The following KALRN variants were observed in gnomAD, a reference collection of about 807,000 sequenced individuals.
The protein encoded by KALRN is kalirin RhoGEF kinase.
Under a neutral mutation model 353.7 loss-of-function variants are expected in KALRN, and 70 were observed. That is an observed-to-expected ratio of 0.20 (90% CI 0.16 to 0.24). The LOEUF (loss-of-function observed/expected upper bound fraction) is 0.24. Ranked by LOEUF, KALRN falls within the 10% of genes least tolerant of loss-of-function variation. The pLI is 1.00. For synonymous variants in KALRN, 1,391 were observed against 1,434.8 expected (o/e 0.97, Z 0.69); for missense variants, 2,791 against 3,756.7 (o/e 0.74, Z 6.72).
At chr3:124,674,878 T>A (rs1184594178) in intron 49 of KALRN, 7 of 355,268 alleles carry the variant, frequency 2.0e-5, no homozygotes, top group Non-Finnish European at 3.0e-5. Flanking sequence ...TCCCCCTTTC[T>A]CCCCCACATT....
At chr3:124,168,490 C>T (rs143465353) in intron 1 of KALRN, among the ~76,000 whole-genome samples, 5 of 152,284 alleles carry the variant, frequency 3.3e-5, no homozygotes, top group Admixed American at 2.0e-4. Flanking sequence ...TTTACCTTGG[C>T]TTTAAGGGAG....
intron 6 of KALRN, among the ~76,000 whole-genome samples, chr3:124,319,510 A>G (rs1200760881): frequency 6.7e-6 from 1 of 150,066 alleles, no homozygotes; most frequent in Non-Finnish European, 1.5e-5. Flanking sequence ...TATTAACTTC[A>G]GTGGGGAGGG....
chr3:124,209,113 C>G (rs963073034), intron 1 of KALRN, among the ~76,000 whole-genome samples: 1 of 152,078 alleles, frequency 6.6e-6, no homozygotes. Flanking sequence ...TGTACATTGT[C>G]TCTCTATGAG....
chr3:124,085,934 A>G (rs1412441107), intron 1 of KALRN, among the ~76,000 whole-genome samples: 3 of 152,236 alleles, frequency 2.0e-5, no homozygotes, highest in African/African-American at 7.2e-5. Flanking sequence ...TTTCACAAAA[A>G]GTGGGATAAT....
intron 1 of KALRN, among the ~76,000 whole-genome samples, chr3:124,210,644 A>G (rs1376261032): frequency 6.6e-6 from 1 of 152,160 alleles, no homozygotes; most frequent in Non-Finnish European, 1.5e-5. Flanking sequence ...AAAAAAACAC[A>G]AAGGGAACTG....
At chr3:124,625,985 G>A (rs1461561673) in intron 34 of KALRN, among the ~76,000 whole-genome samples, 1 of 152,124 alleles carries the variant, frequency 6.6e-6, no homozygotes, top group Non-Finnish European at 1.5e-5. Context: ...AGAGGTTGAG[G>A]CAGGAGAATC....
chr3:124,445,051 A>C (rs141980985), intron 19 of KALRN, among the ~76,000 whole-genome samples: 353 of 152,302 alleles, frequency 2.3e-3, no homozygotes, highest in African/African-American at 8.3e-3. Flanking sequence ...TGGGAGACCA[A>C]GGTGACTAAC....
At chr3:124,126,415 T>C (rs1416584812) in intron 1 of KALRN, among the ~76,000 whole-genome samples, 1 of 152,184 alleles carries the variant, frequency 6.6e-6, no homozygotes, top group Non-Finnish European at 1.5e-5. Flanking sequence ...TGAGCAAATA[T>C]TTGAGGCTTC....
At chr3:124,626,614 G>C (rs1311997324) in intron 34 of KALRN, among the ~76,000 whole-genome samples, 1 of 152,118 alleles carries the variant, frequency 6.6e-6, no homozygotes, top group African/African-American at 2.4e-5. Flanking sequence ...GCCAGTCATT[G>C]GTCTTTGGGC....
In KALRN at chr3:124,377,188, T is replaced by G. The variant is rs182460883; in HGVS notation, c.1771-7657T>G. On this transcript the variant is annotated intron_variant, in intron 10 of 59. Coordinates refer to ENST00000682506, the MANE Select transcript of KALRN (RefSeq NM_001388419.1). ...CAGTTTTCTCATTTGTAAAATGAAA[T>G]TAATAATACCTATCTTATGATTGAT... Among the ~76,000 whole-genome samples the G allele has an allele frequency of 3.3e-5, 5 of 152,350 alleles. No individual in the cohort carries two copies. The East Asian group carries it at 7.7e-4, about 24-fold the overall frequency.
intron 33 of KALRN, among the ~76,000 whole-genome samples, chr3:124,522,241 A>G (rs115341590): frequency 6.6e-6 from 1 of 151,890 alleles, no homozygotes; most frequent in South Asian, 2.1e-4. Flanking sequence ...ATACATATGT[A>G]AGACCTTCCT....
intron 1 of KALRN, among the ~76,000 whole-genome samples, chr3:124,066,802 G>A (rs573338150): frequency 6.6e-6 from 1 of 152,308 alleles, no homozygotes; most frequent in South Asian, 2.1e-4. Flanking sequence ...GCCTGGAACA[G>A]GTGGAGAGTG....
At chr3:124,218,932 C>G (rs1039635329) in intron 1 of KALRN, among the ~76,000 whole-genome samples, 3 of 152,146 alleles carry the variant, frequency 2.0e-5, no homozygotes, top group Non-Finnish European at 2.9e-5. Context: ...AAAGGTAGCC[C>G]ATTAGCCAGG....
intron 1 of KALRN, among the ~76,000 whole-genome samples, chr3:124,039,994 T>C (rs1359422547): frequency 6.6e-6 from 1 of 152,220 alleles, no homozygotes; most frequent in East Asian, 1.9e-4. Flanking sequence ...TTTTATAGGC[T>C]ATTTCTACTA....
intron 1 of KALRN, among the ~76,000 whole-genome samples, chr3:124,120,744 A>ATTTTTTTTTTTTTT (rs1330633124): frequency 7.2e-6 from 1 of 138,020 alleles, no homozygotes; most frequent in African/African-American, 2.6e-5. Flanking sequence ...ATATATATAT[A>ATTTTTTTTTTTTTT]TTTTCACATA....
chr3:124,542,832 T>C (rs181307616), intron 33 of KALRN, among the ~76,000 whole-genome samples: 17 of 152,284 alleles, frequency 1.1e-4, no homozygotes, highest in Admixed American at 8.5e-4. Flanking sequence ...CTTCAAAACT[T>C]AGAGACTTAA....
At chr3:124,195,073 CTGTT>C (rs1285780707) in intron 1 of KALRN, among the ~76,000 whole-genome samples, 1 of 152,150 alleles carries the variant, frequency 6.6e-6, no homozygotes, top group African/African-American at 2.4e-5. Flanking sequence ...CCTTTGGAAT[CTGTT>C]TGCAAAGTTG....
chr3:124,398,493 C>G (rs983135335), intron 12 of KALRN, among the ~76,000 whole-genome samples: 3 of 151,914 alleles, frequency 2.0e-5, no homozygotes, highest in African/African-American at 7.3e-5. Flanking sequence ...ACTTGTGAAC[C>G]CAAAAAAGGA....
chr3:124,360,547 C>T (rs1160271379), intron 10 of KALRN, among the ~76,000 whole-genome samples: 1 of 152,192 alleles, frequency 6.6e-6, no homozygotes, highest in African/African-American at 2.4e-5. Context: ...GTGAGAGTAA[C>T]ACACCAATAG....
Sources: allele counts gnomAD v4.1 joint callset (sites outside exome capture counted in the v4.1 genomes callset), GRCh38; gene constraint gnomAD v4.1.1; transcripts MANE v1.5; gene names NCBI Gene and HGNC (gene_info 2026-07-23, HGNC 2026-07-21).